Variants in RALGPS1 observed in about 807,000 individuals in gnomAD.
RALGPS1 encodes Ral GEF with PH domain and SH3 binding motif 1, also known as ras-specific guanine nucleotide-releasing factor RalGPS1.
Under a neutral mutation model 78.8 loss-of-function variants are expected in RALGPS1, and 19 were observed. The ratio of observed to expected loss-of-function variants is 0.24; its 90% CI spans 0.17 to 0.35. The LOEUF is 0.35. RALGPS1 is among the 10% of genes least tolerant of loss of function. The pLI is 1.00. For missense variants in RALGPS1, 454 were observed against 688.3 expected, an observed-to-expected ratio of 0.66 and a Z score of 3.81; for synonymous variants, 228 against 256.3, an observed-to-expected ratio of 0.89 and a Z score of 1.06.
At chr9:127,188,016 C>T (rs1195291712) in intron 11 of RALGPS1, among the ~76,000 whole-genome samples, 1 of 150,902 alleles carries the variant, frequency 6.6e-6, no homozygotes, top group Non-Finnish European at 1.5e-5. Context: ...AACACTCTCT[C>T]CAGATGGTTC....
intron 4 of RALGPS1, among the ~76,000 whole-genome samples, chr9:127,028,989 C>G (rs2046193729): frequency 6.6e-6 from 1 of 152,132 alleles, no homozygotes; most frequent in East Asian, 1.9e-4. Context: ...AGGTGGGTAG[C>G]TTTCATGGAA....
intron 11 of RALGPS1, among the ~76,000 whole-genome samples, chr9:127,186,356 G>A (rs963581319): frequency 8.5e-5 from 13 of 152,326 alleles, no homozygotes; most frequent in Non-Finnish European, 1.5e-4. Context: ...CCAGCTGTCC[G>A]TGCCATATCG....
intron 10 of RALGPS1, among the ~76,000 whole-genome samples, chr9:127,172,875 G>A (rs1473054092): frequency 6.6e-6 from 1 of 152,102 alleles, no homozygotes; most frequent in East Asian, 1.9e-4. Flanking sequence ...ATGCTCACCT[G>A]TTCTCTTTCC....
intron 8 of RALGPS1, among the ~76,000 whole-genome samples, chr9:127,082,448 T>A (rs1202850905): frequency 6.6e-6 from 1 of 152,070 alleles, no homozygotes; most frequent in Non-Finnish European, 1.5e-5. Flanking sequence ...CTGCTGCTGC[T>A]GCATAGGCAG....
At chr9:126,955,266 G>T (rs1374454882) in intron 1 of RALGPS1, among the ~76,000 whole-genome samples, 12 of 152,218 alleles carry the variant, frequency 7.9e-5, no homozygotes, top group African/African-American at 2.7e-4. Flanking sequence ...CCCACCTTGT[G>T]TGCCCAGTGC....
At chr9:126,967,233 T>C (rs745929677) in intron 3 of RALGPS1, among the ~76,000 whole-genome samples, 9 of 152,190 alleles carry the variant, frequency 5.9e-5, no homozygotes, top group Non-Finnish European at 1.0e-4. Context: ...TCCCTCCTAC[T>C]AGAATGAGAC....
intron 8 of RALGPS1, among the ~76,000 whole-genome samples, chr9:127,148,773 C>T (rs1233651599): frequency 6.6e-6 from 1 of 152,164 alleles, no homozygotes; most frequent in Non-Finnish European, 1.5e-5. Flanking sequence ...GATAGAGGCT[C>T]AGAGAGGAGG....
At chr9:127,093,704 C>A in intron 8 of RALGPS1, 1 of 1,610,852 alleles carries the variant, frequency 6.2e-7, no homozygotes, top group Non-Finnish European at 8.5e-7. Flanking sequence ...ACCTTGTGGG[C>A]AGCACAGACA....
chr9:127,125,002 G>A (rs924467925), intron 8 of RALGPS1, among the ~76,000 whole-genome samples: 2 of 152,018 alleles, frequency 1.3e-5, no homozygotes, highest in African/African-American at 2.4e-5. Flanking sequence ...CACACCTCCC[G>A]CCCCACTGGT....
At chr9:126,973,374 A>ATAGG (rs759730436) in intron 3 of RALGPS1, among the ~76,000 whole-genome samples, 79 of 152,158 alleles carry the variant, frequency 5.2e-4, no homozygotes, top group African/African-American at 1.1e-3. Context: ...TCTCTCTAAA[A>ATAGG]TAGGTAGGTA....
intron 4 of RALGPS1, among the ~76,000 whole-genome samples, chr9:126,995,440 TTACA>T (rs2042652524): frequency 6.6e-6 from 1 of 152,188 alleles, no homozygotes; most frequent in African/African-American, 2.4e-5. Context: ...AAGAAGGCCA[TTACA>T]TAATGGTAAA....
intron 7 of RALGPS1, among the ~76,000 whole-genome samples, chr9:127,057,457 A>G (rs2048839738): frequency 6.6e-6 from 1 of 152,228 alleles, no homozygotes; most frequent in Non-Finnish European, 1.5e-5. Context: ...TGGCCTCTCC[A>G]TGGGTGGCTG....
chr9:127,125,395 G>A (rs1445812023), intron 8 of RALGPS1, among the ~76,000 whole-genome samples: 1 of 152,148 alleles, frequency 6.6e-6, no homozygotes, highest in Non-Finnish European at 1.5e-5. Context: ...AAGTCTAAGG[G>A]ACCTGTGCTC....
intron 1 of RALGPS1, among the ~76,000 whole-genome samples, chr9:126,923,768 C>G (rs1012542476): frequency 6.6e-6 from 1 of 152,222 alleles, no homozygotes; most frequent in Non-Finnish European, 1.5e-5. Context: ...CTCATGGCCT[C>G]AAGCGATCCT....
chr9:127,131,899 G>A lies in RALGPS1; in HGVS notation c.611-34170G>A, dbSNP rs539725086. 2.6e-5 allele frequency among the ~76,000 whole-genome samples: 4 copies of A among 152,306 alleles called. No homozygotes were observed. In the East Asian group the frequency reaches 7.7e-4, roughly 29 times the overall value. On this transcript the variant is annotated intron_variant, in intron 8 of 18. Transcript: ENST00000259351. The stretch of plus-strand genomic sequence containing the variant: ...TTTTGCGCTTCAAGATCAACTGAGG[G>A]CTTGTTAAAAGTTTGCTGGGCCCCA...
chr9:126,992,897 A>G (rs936420750), intron 4 of RALGPS1, among the ~76,000 whole-genome samples: 7 of 152,194 alleles, frequency 4.6e-5, no homozygotes, highest in Middle Eastern at 3.2e-3. Context: ...TACAGCCTCT[A>G]GTACAATGTT....
At chr9:127,214,728 C>T (rs1419774995) in intron 17 of RALGPS1, 23 bp from the exon 18 acceptor site, 1 of 1,595,778 alleles carries the variant, frequency 6.3e-7, no homozygotes, top group Non-Finnish European at 8.5e-7. Context: ...CTCTTCTTAA[C>T]TCATGGTTTC....
intron 4 of RALGPS1, chr9:126,990,225 A>G (rs1029575327): frequency 3.7e-6 from 2 of 543,878 alleles, no homozygotes; most frequent in African/African-American, 3.8e-5. Flanking sequence ...CTCAGGTCAC[A>G]TGCTGGGCAG....
At chr9:127,067,353 T>G (rs930363116) in intron 7 of RALGPS1, among the ~76,000 whole-genome samples, 3 of 152,208 alleles carry the variant, frequency 2.0e-5, no homozygotes, top group Non-Finnish European at 4.4e-5. Flanking sequence ...CAGCATATTC[T>G]TCTGCCTCTC....
Sources: gnomAD v4.1 joint callset for allele counts (sites outside exome capture counted in the v4.1 genomes callset) on GRCh38, gnomAD v4.1.1 for gene constraint, MANE v1.5 for transcripts, NCBI Gene and HGNC (gene_info 2026-07-23, HGNC 2026-07-21) for gene names.